The following ZFC3H1 variants were observed in gnomAD, a reference collection of about 807,000 sequenced individuals.
ZFC3H1 encodes zinc finger C3H1-type containing.
In ZFC3H1, 71 loss-of-function variants were observed where a neutral mutation model predicts 243.7. The observed-to-expected ratio is 0.29, with a 90% CI of 0.24 to 0.36. The LOEUF (loss-of-function observed/expected upper bound fraction) is 0.36, where lower values mean the gene tolerates loss of function less well. ZFC3H1 is among the 10% of genes least tolerant of loss of function. ZFC3H1 has a pLI of 1.00. For synonymous variants in ZFC3H1, 838 were observed against 813.0 expected, an observed-to-expected ratio of 1.03 and a Z score of -0.52; for missense variants, 1,966 against 2,317.1, an observed-to-expected ratio of 0.85 and a Z score of 3.11.
chr12:71,657,204 A>G lies in ZFC3H1; in HGVS notation c.696T>C (p.Tyr232=). 3 of 1,610,480 alleles carry G rather than the reference A, an allele frequency of 1.9e-6. No homozygotes were observed. Among genetic ancestry groups the G allele is most frequent in the South Asian group, 1.1e-5 (1 of 89,638 alleles). Residue 232 remains tyrosine (Y), a synonymous_variant, in exon 2 of 35, where the codon TAT becomes TAC. Coordinates refer to ENST00000378743, the MANE Select transcript of ZFC3H1 (RefSeq NM_144982.5). ...ATTCTAGTTCCAACTGTATTTGTTT[A>G]TACTTTAAAAGCAAATCTTCAAAAG... The part of the protein sequence containing the change: ...EETFEDLLLK[Y]KQIQLELECI...
At chr12:71,617,111 A>G (rs1340554964) in intron 27 of ZFC3H1, among the ~76,000 whole-genome samples, 6 of 152,200 alleles carry the variant, frequency 3.9e-5, no homozygotes, top group Non-Finnish European at 8.8e-5. Context: ...TATAGTGCTA[A>G]GCATTTTGCT....
chr12:71,654,724 A>T (rs1880973799), intron 2 of ZFC3H1, among the ~76,000 whole-genome samples: 1 of 152,202 alleles, frequency 6.6e-6, no homozygotes. Context: ...AATGTCAATA[A>T]TCATAAAAAA....
chr12:71,636,800 G>A (rs372880388), intron 8 of ZFC3H1, 50 bp downstream of exon 8: 67 of 1,597,674 alleles, frequency 4.2e-5, no homozygotes, highest in African/African-American at 5.4e-5. Flanking sequence ...TAGGACTACC[G>A]TAAAGCTAAG....
chr12:71,624,364 T>C, intron 22 of ZFC3H1, 72 bp from the exon 23 acceptor site: 1 of 1,406,756 alleles, frequency 7.1e-7, no homozygotes, highest in South Asian at 1.5e-5. Flanking sequence ...TTTTCACATT[T>C]CATTAAGAAA....
chr12:71,621,069 T>C (rs1880012677), intron 24 of ZFC3H1, among the ~76,000 whole-genome samples: 1 of 152,212 alleles, frequency 6.6e-6, no homozygotes, highest in African/African-American at 2.4e-5. Context: ...CAATAGATTG[T>C]TTAAATTTCC....
chr12:71,661,128 C>T (rs1342873010), intron 1 of ZFC3H1, among the ~76,000 whole-genome samples: 1 of 151,836 alleles, frequency 6.6e-6, no homozygotes, highest in African/African-American at 2.4e-5. Context: ...ATGATGAAAC[C>T]CTGTCTCTAC....
chr12:71,631,723 T>C lies in ZFC3H1; in HGVS notation c.3470+55A>G, dbSNP rs145308815. On this transcript the variant is annotated intron_variant, in intron 16 of 34. Transcript: ENST00000378743. The stretch of plus-strand genomic sequence containing the variant: ...ATCATCAAATATTCAAGATAAAATA[T>C]TAAAAACCAAACAGAAATCCTGAAA... The C allele has an allele frequency of 2.2e-4, 313 of 1,444,380 alleles. No homozygotes were observed. The African/African-American group carries it at 3.4e-3, about 16-fold the overall frequency. 89.5% of individuals were successfully genotyped at this position (1,444,380 alleles called of 1,614,324 possible).
chr12:71,618,091 C>T (rs536308592), intron 27 of ZFC3H1, among the ~76,000 whole-genome samples: 1 of 152,092 alleles, frequency 6.6e-6, no homozygotes, highest in African/African-American at 2.4e-5. Context: ...ACGGTGAAAC[C>T]TGTCATTACT....
In ZFC3H1 at chr12:71,633,288, C is replaced by T. The variant is rs746913461; in HGVS notation, c.2661G>A (p.Met887Ile). 7.6e-6 allele frequency: 12 copies of T among 1,585,522 alleles called. No individual in the cohort carries two copies. The highest frequency in any genetic ancestry group is 1.0e-5 in the Non-Finnish European group (12 of 1,170,278). ...ATEKILNVNR[M>I]FLKKLQEQIH... ...CTTGTTCCTGAAGCTTCTTCAAAAA[C>T]ATTCTGTTAACATTAAGAATTTTTT... is the stretch of plus-strand genomic sequence containing the variant. Residue 887 changes from methionine to isoleucine, a missense_variant, in exon 13 of 35, where the codon ATG becomes ATA. Coordinates refer to ENST00000378743, the MANE Select transcript of ZFC3H1 (RefSeq NM_144982.5).
intron 27 of ZFC3H1, 147 bp from the exon 28 acceptor site, chr12:71,615,463 A>G (rs111281133): frequency 5.3e-5 from 33 of 619,228 alleles, no homozygotes; most frequent in African/African-American, 3.9e-4. Context: ...TAGGTATACC[A>G]TACCTCTTTG....
At position 71,623,621 on chromosome 12, in the gene ZFC3H1, G is replaced by C. The variant is rs144008921; in HGVS notation, c.4507-24C>G. 7.0e-3 allele frequency: 10,804 copies of C among 1,539,996 alleles called. 50 individuals are homozygous for C. The highest frequency in any genetic ancestry group is 0.014 in the African/African-American group (991 of 72,142). On this transcript the variant is annotated intron_variant, in intron 23 of 34. Coordinates refer to ENST00000378743, the MANE Select transcript of ZFC3H1 (RefSeq NM_144982.5). ...TTCTAGGCAAAATTTAAAATTTTTT[G>C]ATAAAAAAATTAGAGATGTCAGTAC... is the stretch of plus-strand genomic sequence containing the variant.
At position 71,642,507 on chromosome 12, in the gene ZFC3H1, C is replaced by G. The variant is rs1418547075; in HGVS notation, c.1556G>C (p.Gly519Ala). ...GTTATCATACTGATAAATGCCTCCT[C>G]CACTATCAGTAGGTTGCTTATCTAA... Reference protein sequence around the residue: ...RSLDKQPTDSGGGIYQYDNYE... With the variant: ...RSLDKQPTDSAGGIYQYDNYE... The change falls in exon 6 of 35, where the codon GGA becomes GCA. Residue 519 changes from glycine to alanine, a missense_variant. By Grantham distance (60) the Gly-to-Ala change is moderately conservative (BLOSUM62 0). Around this residue, in one of 4 missense-constraint regions of ZFC3H1, gnomAD observed 1,383 missense variants for 1,723.7 expected, o/e 0.80. Coordinates refer to ENST00000378743, the MANE Select transcript of ZFC3H1 (RefSeq NM_144982.5). 6.2e-7 allele frequency: 1 copy of G among 1,613,664 alleles called. No individual in the cohort carries two copies. The highest frequency in any genetic ancestry group is 8.5e-7 in the Non-Finnish European group (1 of 1,179,804).
chr12:71,616,107 A>T (rs1003276362), intron 27 of ZFC3H1, among the ~76,000 whole-genome samples: 2 of 152,072 alleles, frequency 1.3e-5, no homozygotes, highest in African/African-American at 4.8e-5. Flanking sequence ...CTGGCTAACA[A>T]CTTGGGTGAA....
Position 71,611,106 on chromosome 12 carries a change from A to AG in ZFC3H1, c.5730-10_5730-9insC. The AG allele has an allele frequency of 8.0e-7, 1 of 1,243,362 alleles. No individual in the cohort carries two copies. Among genetic ancestry groups the AG allele is most frequent in the Non-Finnish European group, 1.1e-6 (1 of 941,648 alleles). The allele number at this position is 1,243,362 out of a possible 1,614,324, so 77.0% of individuals were successfully genotyped here. On this transcript the variant is annotated splice_polypyrimidine_tract_variant and intron_variant, in intron 32 of 34. Coordinates refer to ENST00000378743, the MANE Select transcript of ZFC3H1 (RefSeq NM_144982.5). ...TCTCAGCAGCAATGGCTCTAAGAGAAAAAAAAAAAAAAAGAAATATAGAAA... is the reference window on the plus strand; with the variant it reads ...TCTCAGCAGCAATGGCTCTAAGAGAAGAAAAAAAAAAAAAGAAATATAGAAA...
intron 1 of ZFC3H1, among the ~76,000 whole-genome samples, chr12:71,658,919 T>C (rs1416650550): frequency 2.0e-5 from 3 of 152,216 alleles, no homozygotes; most frequent in Non-Finnish European, 4.4e-5. Context: ...GAGACTGCTG[T>C]GGCTAAGTTT....
intron 9 of ZFC3H1, 97 bp downstream of exon 9, chr12:71,636,393 T>C: frequency 8.8e-7 from 1 of 1,133,542 alleles, no homozygotes; most frequent in South Asian, 1.9e-5. Context: ...TATGTGTGTA[T>C]ATAAATAAAC....
chr12:71,650,989 T>C (rs1880869934), intron 2 of ZFC3H1, among the ~76,000 whole-genome samples: 1 of 152,200 alleles, frequency 6.6e-6, no homozygotes, highest in Non-Finnish European at 1.5e-5. Context: ...TCCCCAAACA[T>C]GTCAGGCATC....
At position 71,620,242 on chromosome 12, in the gene ZFC3H1, T is replaced by C. The variant is rs377483932; in HGVS notation, c.4818A>G (p.Thr1606=). The change falls in exon 25 of 35, where the codon ACA becomes ACG. Residue 1606 remains threonine, a synonymous_variant. Transcript: ENST00000378743. ...ERIEACLPLY[T]NMIALHQLLE... ...GGAGTTGGTGCAGAGCAATCATGTT[T>C]GTGTAAAGTGGAAGGCAGGCCTCTA... The C allele has an allele frequency of 5.0e-6, 8 of 1,614,072 alleles. No individual in the cohort carries two copies. The highest frequency in any genetic ancestry group is 6.8e-6 in the Non-Finnish European group (8 of 1,180,036).
chr12:71,615,404 TA>T (rs1879871345), intron 27 of ZFC3H1, 88 bp from the exon 28 acceptor site: 1 of 837,080 alleles, frequency 1.2e-6, no homozygotes, highest in African/African-American at 1.7e-5. Context: ...TAGTTTCACT[TA>T]AATTTCATTG....
Sources: gnomAD v4.1 joint callset for allele counts (sites outside exome capture counted in the v4.1 genomes callset) on GRCh38, gnomAD v4.1.1 for gene constraint, gnomAD v4.1.1 regional missense constraint, MANE v1.5 for transcripts, NCBI Gene and HGNC (gene_info 2026-07-23, HGNC 2026-07-21) for gene names.